Variants in RAF1 observed in about 807,000 individuals in gnomAD.
The protein encoded by RAF1 is RAF proto-oncogene serine/threonine-protein kinase.
In RAF1, 27 loss-of-function variants were observed where a neutral mutation model predicts 81.1. The ratio of observed to expected loss-of-function variants is 0.33; its 90% CI spans 0.25 to 0.46. RAF1 has a LOEUF of 0.46. Ranked by LOEUF, RAF1 falls within the 20% of genes least tolerant of loss-of-function variation. RAF1 has a pLI of 1.00. For missense variants in RAF1, 598 were observed against 826.0 expected (o/e 0.72, Z 3.38); for synonymous variants, 298 against 294.0 (o/e 1.01, Z -0.14).
chr3:12,605,250 A>ATGTG (rs139616156), intron 6 of RAF1, among the ~76,000 whole-genome samples: 3,986 of 144,568 alleles, frequency 0.028, 64 homozygotes, highest in South Asian at 0.055. Flanking sequence ...ATTACACATT[A>ATGTG]TGTGTGTGTG....
At chr3:12,624,243 G>A (rs910567432) in intron 1 of RAF1, among the ~76,000 whole-genome samples, 1 of 152,078 alleles carries the variant, frequency 6.6e-6, no homozygotes, top group Non-Finnish European at 1.5e-5. Flanking sequence ...CTGCTTCAAG[G>A]GCCCTACAAG....
At chr3:12,598,846 T>C (rs2058772810) in intron 11 of RAF1, among the ~76,000 whole-genome samples, 2 of 152,068 alleles carry the variant, frequency 1.3e-5, no homozygotes, top group Non-Finnish European at 2.9e-5. Context: ...TCTCTCAATC[T>C]TTGCACATTT....
chr3:12,647,572 C>T (rs2060392927), intron 1 of RAF1, among the ~76,000 whole-genome samples: 1 of 151,672 alleles, frequency 6.6e-6, no homozygotes, highest in Non-Finnish European at 1.5e-5. Flanking sequence ...CCAGCCTGGG[C>T]AACAGAGTGA....
In RAF1 at chr3:12,583,621, T is replaced by G. The variant is rs1473231359; in HGVS notation, c.*893A>C. ...AGCCATTACACCTAAATTTAATTTA[T>G]TTTATTAAAATAACATAATTGAGGG... On this transcript the variant is annotated 3_prime_UTR_variant, in exon 18 of 18. Transcript: ENST00000442415. 12 of 232,032 alleles carry G rather than the reference T, an allele frequency of 5.2e-5. 1 individual carries two copies. The highest frequency in any genetic ancestry group is 6.1e-5 in the East Asian group (1 of 16,406). 14.4% of individuals were successfully genotyped at this position (232,032 alleles called of 1,614,324 possible).
At chr3:12,596,482 C>T (rs1330693626) in intron 11 of RAF1, among the ~76,000 whole-genome samples, 1 of 152,218 alleles carries the variant, frequency 6.6e-6, no homozygotes, top group East Asian at 1.9e-4. Context: ...GCATGAGCCA[C>T]CGCACCCAGC....
In RAF1 at chr3:12,585,182, G is replaced by A. The variant is rs542779722; in HGVS notation, c.1668C>T (p.Ile556=). ...CCCCCGTCATCAGTTCATACAATAC[G>A]ATGCCATAGGAGTAGACATCCGACT... Residue 556 remains isoleucine, a synonymous_variant, in exon 16 of 18, where the codon ATC becomes ATT. Transcript: ENST00000442415. 10 of 1,614,124 alleles carry A rather than the reference G, an allele frequency of 6.2e-6. 1 individual carries two copies. The South Asian group carries it at 8.8e-5, about 14-fold the overall frequency.
At chr3:12,645,097 CAA>C (rs11401342) in intron 1 of RAF1, among the ~76,000 whole-genome samples, 19,110 of 62,922 alleles carry the variant, frequency 0.3, 618 homozygotes, top group Non-Finnish European at 0.33. Flanking sequence ...GACTCAGTCT[CAA>C]AAAAAAAAAA....
intron 5 of RAF1, among the ~76,000 whole-genome samples, chr3:12,606,746 G>A (rs540729327): frequency 1.3e-5 from 2 of 152,036 alleles, no homozygotes; most frequent in Admixed American, 1.3e-4. Context: ...GGGTACATGT[G>A]CACAACATGC....
At chr3:12,622,350 C>T (rs2059580569) in intron 1 of RAF1, among the ~76,000 whole-genome samples, 1 of 152,196 alleles carries the variant, frequency 6.6e-6, no homozygotes, top group Admixed American at 6.5e-5. Flanking sequence ...AAATGCAACT[C>T]ATTGTGTCAC....
At chr3:12,661,950 T>C (rs2060890060) in intron 1 of RAF1, among the ~76,000 whole-genome samples, 1 of 151,390 alleles carries the variant, frequency 6.6e-6, no homozygotes, top group Non-Finnish European at 1.5e-5. Flanking sequence ...TTTAAGAGGC[T>C]GAAGCTGGAG....
At chr3:12,596,992 G>A (rs1332538747) in intron 11 of RAF1, among the ~76,000 whole-genome samples, 3 of 151,256 alleles carry the variant, frequency 2.0e-5, no homozygotes, top group East Asian at 2.0e-4. Flanking sequence ...TCTGCCTCCC[G>A]GGTTCACGCC....
At position 12,617,887 on chromosome 3, in the gene RAF1, AAAAAAG is replaced by A. The variant is rs1457658916; in HGVS notation, c.207+622_207+627del. Among the ~76,000 whole-genome samples the A allele has an allele frequency of 9.2e-4, 137 of 148,806 alleles. 2 individuals carry two copies. The highest frequency in any genetic ancestry group is 3.3e-3 in the East Asian group (17 of 5,140). On this transcript the variant is annotated intron_variant, in intron 2 of 17. Transcript: ENST00000442415. ...GAGTGAGAATCCGTCTCAAAAAAAA[AAAAAAG>A]AAAAGAAAAAGAAAAAGAAATTTTC...
intron 8 of RAF1, among the ~76,000 whole-genome samples, chr3:12,601,172 A>C (rs1017283465): frequency 1.3e-5 from 2 of 152,220 alleles, no homozygotes; most frequent in African/African-American, 2.4e-5. Flanking sequence ...AGCTGGAAAG[A>C]CCACAAATCC....
chr3:12,604,938 G>C (rs1156984392), intron 6 of RAF1, among the ~76,000 whole-genome samples: 1 of 152,138 alleles, frequency 6.6e-6, no homozygotes, highest in African/African-American at 2.4e-5. Flanking sequence ...TTCGAGGTTT[G>C]TTCAGATTCA....
chr3:12,663,950 GC>G lies in RAF1; in HGVS notation c.-165del. On this transcript the variant is annotated 5_prime_UTR_variant, in exon 1 of 18. The change abolishes the stop of an existing upstream ORF in the 5' untranslated region. Coordinates refer to ENST00000442415, the MANE Select transcript of RAF1 (RefSeq NM_001354689.3). ...AGCCCAGGGGACGGAGCCCCGAGCA[GC>G]CCCCGCATCGTAGCAAACGCGCTCC... is the stretch of plus-strand genomic sequence containing the variant. 2.5e-6 allele frequency: 1 copy of G among 398,430 alleles called. No homozygotes were observed. Among genetic ancestry groups the G allele is most frequent in the Non-Finnish European group, 4.4e-6 (1 of 225,886 alleles). 24.7% of individuals were successfully genotyped at this position (398,430 alleles called of 1,614,324 possible). A position where few individuals can be genotyped will look rare whatever the true frequency, so the allele number is the denominator to read the frequency against.
chr3:12,639,220 C>A (rs1341279826), intron 1 of RAF1, among the ~76,000 whole-genome samples: 1 of 152,118 alleles, frequency 6.6e-6, no homozygotes, highest in Admixed American at 6.5e-5. Context: ...TGGGACGTAT[C>A]TCAAAATAAT....
Position 12,635,223 on chromosome 3 carries a change from G to A in RAF1, c.-26-16476C>T, listed in dbSNP as rs144807294. On this transcript the variant is annotated intron_variant, in intron 1 of 17. Transcript: ENST00000442415. ...AATCCCAGCTACTCAGGAGGCTGAC[G>A]CAGGAGAATTGCTTGAAACCGGGAG... 4.9e-3 allele frequency among the ~76,000 whole-genome samples: 735 copies of A among 150,114 alleles called. 6 individuals carry two copies. The highest frequency in any genetic ancestry group is 0.017 in the African/African-American group (695 of 40,878).
At position 12,590,783 on chromosome 3, in the gene RAF1, A is replaced by C. The variant is rs765167399; in HGVS notation, c.1430+15T>G. 1.2e-6 allele frequency: 2 copies of C among 1,607,990 alleles called. No individual in the cohort carries two copies. The highest frequency in any genetic ancestry group is 2.7e-5 in the African/African-American group (2 of 74,820). On this transcript the variant is annotated intron_variant, in intron 13 of 17. Transcript: ENST00000442415. The stretch of plus-strand genomic sequence containing the variant: ...GATGCCTGGGTCCCAGAGAGGCATC[A>C]GACCATCTACTCACTCCATTCCCTG...
rs868794995 is a variant in RAF1 at position 12,584,502 on chromosome 3, G to A, written c.*12C>T. On this transcript the variant is annotated 3_prime_UTR_variant, in exon 18 of 18. Coordinates refer to ENST00000442415, the MANE Select transcript of RAF1 (RefSeq NM_001354689.3). Reference sequence around the variant, plus strand: ...TCCTCCCCTGGCAGCCTGAAGACAGGTGCAAAGTCAACTAGAAGACAGGCA... The same window carrying A: ...TCCTCCCCTGGCAGCCTGAAGACAGATGCAAAGTCAACTAGAAGACAGGCA... 7 of 1,614,208 alleles carry A rather than the reference G, an allele frequency of 4.3e-6. No homozygotes were observed. The highest frequency in any genetic ancestry group is 1.7e-4 in the Middle Eastern group (1 of 6,058).
Sources: allele counts gnomAD v4.1 joint callset (sites outside exome capture counted in the v4.1 genomes callset), GRCh38; gene constraint gnomAD v4.1.1; transcripts MANE v1.5; gene names NCBI Gene and HGNC (gene_info 2026-07-23, HGNC 2026-07-21).